LIPH: variants seen among roughly 807,000 people sequenced by gnomAD.
LIPH encodes the protein lipase member H.
A neutral mutation model predicts 47.6 loss-of-function variants in LIPH; 32 were observed. That is an observed-to-expected ratio of 0.67 (90% confidence interval 0.51 to 0.90). The LOEUF is 0.90. Ranked by LOEUF, LIPH falls within the 40% of genes least tolerant of loss-of-function variation. The pLI is 0.00. For missense variants in LIPH, 497 were observed against 541.4 expected, an observed-to-expected ratio of 0.92 and a Z score of 0.81; for synonymous variants, 190 against 195.6, an observed-to-expected ratio of 0.97 and a Z score of 0.24.
At chr3:185,515,651 G>T (rs1166087421) in intron 7 of LIPH, among the ~76,000 whole-genome samples, 1 of 152,116 alleles carries the variant, frequency 6.6e-6, no homozygotes, top group Non-Finnish European at 1.5e-5. Context: ...TGGGATTACA[G>T]GCAAGCACCA....
chr3:185,529,906 A>AAAAGAAAG (rs1180211034), intron 3 of LIPH, among the ~76,000 whole-genome samples: 2,044 of 122,684 alleles, frequency 0.017, 71 homozygotes, highest in African/African-American at 0.049. Context: ...AGAGAGAAAG[A>AAAAGAAAG]AAAGAAAGAA....
chr3:185,513,344 A>C (rs2148947120), intron 8 of LIPH, among the ~76,000 whole-genome samples: 1 of 151,936 alleles, frequency 6.6e-6, no homozygotes, highest in East Asian at 1.9e-4. Flanking sequence ...GTCTCAAAAA[A>C]AAAAAAAAAA....
chr3:185,522,650 A>AAAAGAAAGAAAG (rs59353669), intron 5 of LIPH, among the ~76,000 whole-genome samples: 119 of 141,996 alleles, frequency 8.4e-4, no homozygotes, highest in African/African-American at 2.9e-3. Flanking sequence ...GAGAGAAAGA[A>AAAAGAAAGAAAG]AAAGAAAGAA....
chr3:185,527,643 C>A, intron 3 of LIPH, 58 bp from the exon 4 acceptor site: 1 of 1,112,284 alleles, frequency 9.0e-7, no homozygotes, highest in South Asian at 1.3e-5. Flanking sequence ...TGCAGCCGGG[C>A]CTTTGATCCT....
intron 1 of LIPH, among the ~76,000 whole-genome samples, chr3:185,540,967 G>A (rs1720691291): frequency 6.6e-6 from 1 of 152,184 alleles, no homozygotes; most frequent in African/African-American, 2.4e-5. Context: ...TGTCAGAACA[G>A]CTCTTTCCTG....
chr3:185,539,693 A>G (rs1382997569), intron 1 of LIPH, among the ~76,000 whole-genome samples: 1 of 152,224 alleles, frequency 6.6e-6, no homozygotes, highest in African/African-American at 2.4e-5. Context: ...TCTTATATAT[A>G]GGATCAAATT....
intron 3 of LIPH, among the ~76,000 whole-genome samples, chr3:185,531,265 G>A (rs1299744273): frequency 3.9e-5 from 6 of 152,146 alleles, no homozygotes; most frequent in Non-Finnish European, 7.3e-5. Flanking sequence ...AGACTCATAA[G>A]TTCAGGTGCG....
In LIPH at chr3:185,538,767, G is replaced by GCCCCTTT. The variant is rs58566219; in HGVS notation, c.50-3636_50-3635insAAAGGGG. Among the ~76,000 whole-genome samples the GCCCCTTT allele has an allele frequency of 9.1e-4, 11 of 12,074 alleles. No homozygotes were observed. The East Asian group carries it at 0.031, about 34-fold the overall frequency. The allele number at this position is 12,074 out of a possible 152,430, so 7.9% of individuals were successfully genotyped here. A position where few individuals can be genotyped will look rare whatever the true frequency, so the allele number is the denominator to read the frequency against. ...TATGTACATATATATACATATATAT[G>GCCCCTTT]TACATATATACACACATATATACAT... On this transcript the variant is annotated intron_variant, in intron 1 of 9. Transcript: ENST00000296252.
At chr3:185,540,031 A>G (rs920171599) in intron 1 of LIPH, among the ~76,000 whole-genome samples, 5 of 152,184 alleles carry the variant, frequency 3.3e-5, no homozygotes, top group Non-Finnish European at 5.9e-5. Context: ...ATATTCTCAG[A>G]ACTGTGCTGG....
intron 1 of LIPH, among the ~76,000 whole-genome samples, chr3:185,538,934 TAC>T (rs1720611757): frequency 6.9e-6 from 1 of 145,010 alleles, no homozygotes; most frequent in Admixed American, 7.1e-5. Flanking sequence ...TACACATATA[TAC>T]ATATATATAC....
intron 1 of LIPH, among the ~76,000 whole-genome samples, chr3:185,544,086 G>C (rs1366221645): frequency 6.6e-6 from 1 of 151,900 alleles, no homozygotes; most frequent in Non-Finnish European, 1.5e-5. Context: ...CCTGACCTCA[G>C]GTAATCCACC....
chr3:185,541,629 C>T (rs951925993), intron 1 of LIPH, among the ~76,000 whole-genome samples: 1 of 151,666 alleles, frequency 6.6e-6, no homozygotes, highest in African/African-American at 2.4e-5. Flanking sequence ...TGGTCTTGAA[C>T]CCCTGAGCTC....
At chr3:185,538,936 CATATATATACAT>C (rs1720612209) in intron 1 of LIPH, among the ~76,000 whole-genome samples, 2 of 135,456 alleles carry the variant, frequency 1.5e-5, no homozygotes, top group African/African-American at 5.4e-5. Flanking sequence ...CACATATATA[CATATATATACAT>C]ATATATACAC....
At chr3:185,542,754 T>A (rs963400695) in intron 1 of LIPH, among the ~76,000 whole-genome samples, 1 of 152,188 alleles carries the variant, frequency 6.6e-6, no homozygotes, top group Admixed American at 6.5e-5. Flanking sequence ...AAAGAAAATA[T>A]GATGTATATA....
chr3:185,550,498 G>T (rs1577695584), intron 1 of LIPH, among the ~76,000 whole-genome samples: 1 of 152,242 alleles, frequency 6.6e-6, no homozygotes, highest in African/African-American at 2.4e-5. Context: ...CTGGAAGAAG[G>T]TACCCACAAG....
intron 1 of LIPH, among the ~76,000 whole-genome samples, chr3:185,547,731 A>G (rs1328136663): frequency 1.3e-5 from 2 of 151,810 alleles, no homozygotes; most frequent in African/African-American, 4.8e-5. Flanking sequence ...AGGCTGAGGC[A>G]GGAGAATTGC....
chr3:185,529,251 G>A (rs554795219), intron 3 of LIPH, among the ~76,000 whole-genome samples: 1 of 146,644 alleles, frequency 6.8e-6, no homozygotes, highest in South Asian at 2.2e-4. Flanking sequence ...AGCTCCAAAA[G>A]GTCTGGTTTA....
chr3:185,534,731 C>T, intron 2 of LIPH, 34 bp downstream of exon 2: 1 of 1,610,988 alleles, frequency 6.2e-7, no homozygotes, highest in Non-Finnish European at 8.5e-7. Flanking sequence ...CCAGTTTCAA[C>T]TTAGCTCTGA....
intron 5 of LIPH, among the ~76,000 whole-genome samples, chr3:185,522,636 G>A (rs908100075): frequency 7.2e-6 from 1 of 138,836 alleles, no homozygotes; most frequent in African/African-American, 2.7e-5. Flanking sequence ...AGAAGGAAAA[G>A]AAAGAGAGAA....
Sources: gnomAD v4.1 joint callset for allele counts (sites outside exome capture counted in the v4.1 genomes callset) on GRCh38, gnomAD v4.1.1 for gene constraint, MANE v1.5 for transcripts, NCBI Gene and HGNC (gene_info 2026-07-23, HGNC 2026-07-21) for gene names.